SCAPER: variants seen among roughly 807,000 people sequenced by gnomAD.
SCAPER encodes S-phase cyclin A associated protein in the ER.
A neutral mutation model predicts 182.2 loss-of-function variants in SCAPER; 98 were observed. The observed-to-expected ratio is 0.54, with a 90% CI of 0.46 to 0.64. The LOEUF is 0.64. Among genes scored for constraint, SCAPER ranks in the 30% least tolerant of loss-of-function variants. SCAPER has a pLI of 0.00. For synonymous variants in SCAPER, 605 were observed against 564.6 expected, an observed-to-expected ratio of 1.07 and a Z score of -1.01; for missense variants, 1,432 against 1,690.0, an observed-to-expected ratio of 0.85 and a Z score of 2.68.
intron 17 of SCAPER, among the ~76,000 whole-genome samples, chr15:76,707,709 CAGCAG>C (rs2059329983): frequency 1.3e-5 from 2 of 152,058 alleles, no homozygotes; most frequent in Admixed American, 1.3e-4. Context: ...CAGAGAAAAT[CAGCAG>C]TATACAGAAG....
At chr15:76,473,054 T>C (rs1342298683) in intron 24 of SCAPER, among the ~76,000 whole-genome samples, 1 of 152,210 alleles carries the variant, frequency 6.6e-6, no homozygotes. Context: ...TTTCCATTTC[T>C]AGATTGTGGA....
chr15:76,372,229 T>C (rs1182368917), intron 29 of SCAPER, among the ~76,000 whole-genome samples: 1 of 152,192 alleles, frequency 6.6e-6, no homozygotes, highest in African/African-American at 2.4e-5. Flanking sequence ...TGAGCTTACC[T>C]CTCACCAAGG....
intron 23 of SCAPER, among the ~76,000 whole-genome samples, chr15:76,565,659 T>G (rs897652061): frequency 6.6e-6 from 1 of 152,108 alleles, no homozygotes; most frequent in Non-Finnish European, 1.5e-5. Context: ...CCCTAGAAAT[T>G]TCCTTATGCC....
At chr15:76,858,574 G>A (rs2071599305) in intron 3 of SCAPER, among the ~76,000 whole-genome samples, 2 of 152,064 alleles carry the variant, frequency 1.3e-5, no homozygotes, top group Admixed American at 1.3e-4. Context: ...CAGGTAATTA[G>A]CATAAGTAAC....
At chr15:76,815,674 A>C (rs980074332) in intron 5 of SCAPER, among the ~76,000 whole-genome samples, 3 of 152,174 alleles carry the variant, frequency 2.0e-5, no homozygotes, top group African/African-American at 7.2e-5. Flanking sequence ...TCAGATCAGG[A>C]GCAGCATTAG....
intron 21 of SCAPER, among the ~76,000 whole-genome samples, chr15:76,632,555 T>C (rs964619111): frequency 3.3e-5 from 5 of 152,068 alleles, no homozygotes. Context: ...CATACTCCTT[T>C]AGCTCAGCAA....
chr15:76,457,793 A>G (rs1269054275), intron 25 of SCAPER, among the ~76,000 whole-genome samples: 3 of 152,214 alleles, frequency 2.0e-5, no homozygotes, highest in Non-Finnish European at 2.9e-5. Flanking sequence ...GTAAAATTTT[A>G]AAGTAAAATT....
chr15:76,466,772 G>A (rs1194948901), intron 25 of SCAPER, among the ~76,000 whole-genome samples: 1 of 149,606 alleles, frequency 6.7e-6, no homozygotes, highest in African/African-American at 2.5e-5. Flanking sequence ...ACTTTGGGGG[G>A]GATACAACTT....
At chr15:76,747,967 G>A (rs779972530) in intron 15 of SCAPER, among the ~76,000 whole-genome samples, 14 of 151,022 alleles carry the variant, frequency 9.3e-5, no homozygotes, top group Non-Finnish European at 1.8e-4. Context: ...ACGGTGCTGG[G>A]AAATATGGAT....
At chr15:76,493,002 C>T (rs571425674) in intron 24 of SCAPER, among the ~76,000 whole-genome samples, 1 of 151,620 alleles carries the variant, frequency 6.6e-6, no homozygotes, top group East Asian at 1.9e-4. Flanking sequence ...ACAATGCCTT[C>T]CCTGTCTTGC....
intron 23 of SCAPER, among the ~76,000 whole-genome samples, chr15:76,568,190 CATATAT>C (rs60959582): frequency 0.044 from 6,137 of 138,504 alleles, 151 homozygotes; most frequent in African/African-American, 0.05. Flanking sequence ...ATGGATCAAG[CATATAT>C]ATATATATAT....
chr15:76,368,203 G>A (rs2141817348), intron 29 of SCAPER, among the ~76,000 whole-genome samples: 1 of 152,322 alleles, frequency 6.6e-6, no homozygotes, highest in East Asian at 1.9e-4. Flanking sequence ...TGGGGCTAAG[G>A]GAGTTTACCA....
intron 25 of SCAPER, among the ~76,000 whole-genome samples, chr15:76,438,487 G>GACCGGCAACTTTT (rs1567139177): frequency 6.6e-6 from 1 of 152,174 alleles, no homozygotes; most frequent in Non-Finnish European, 1.5e-5. Flanking sequence ...GCCTACAGCT[G>GACCGGCAACTTTT]ACCGGCAACT....
chr15:76,522,193 T>TA (rs1463513615), intron 23 of SCAPER, among the ~76,000 whole-genome samples: 2 of 152,150 alleles, frequency 1.3e-5, no homozygotes, highest in Non-Finnish European at 2.9e-5. Context: ...GCATTGTTAC[T>TA]AACTTTCATT....
intron 26 of SCAPER, among the ~76,000 whole-genome samples, chr15:76,417,946 A>G (rs1596512184): frequency 6.6e-6 from 1 of 151,916 alleles, no homozygotes; most frequent in African/African-American, 2.4e-5. Flanking sequence ...TGAACCCGGG[A>G]GGCGGAGGGT....
intron 10 of SCAPER, among the ~76,000 whole-genome samples, chr15:76,769,977 G>A (rs552610519): frequency 3.0e-4 from 46 of 152,210 alleles, no homozygotes; most frequent in African/African-American, 1.0e-3. Flanking sequence ...ATGATAGACT[G>A]GATTAAGAAA....
intron 8 of SCAPER, among the ~76,000 whole-genome samples, chr15:76,778,362 G>A (rs1015837857): frequency 1.3e-5 from 2 of 152,046 alleles, no homozygotes; most frequent in African/African-American, 4.8e-5. Flanking sequence ...GATAAATTAC[G>A]TATGTATAAT....
At chr15:76,433,544 G>A (rs1238773140) in intron 26 of SCAPER, among the ~76,000 whole-genome samples, 1 of 152,044 alleles carries the variant, frequency 6.6e-6, no homozygotes. Context: ...AATGATACCT[G>A]AGCTCTACCT....
intron 8 of SCAPER, among the ~76,000 whole-genome samples, chr15:76,793,972 T>C (rs1448156528): frequency 2.0e-5 from 3 of 152,146 alleles, no homozygotes; most frequent in South Asian, 2.1e-4. Flanking sequence ...AACTGATTGA[T>C]TGGTTGTTGG....
Sources: gnomAD v4.1 joint callset for allele counts (sites outside exome capture counted in the v4.1 genomes callset) on GRCh38, gnomAD v4.1.1 for gene constraint, MANE v1.5 for transcripts, NCBI Gene and HGNC (gene_info 2026-07-23, HGNC 2026-07-21) for gene names.